The following PKD1L3 variants were observed in gnomAD, a reference collection of about 807,000 sequenced individuals.
PKD1L3 encodes polycystin-1-like protein 3.
A neutral mutation model predicts 184.1 loss-of-function variants in PKD1L3; 239 were observed. The observed-to-expected ratio is 1.30, with a 90% CI of 1.17 to 1.45. The LOEUF is 1.45. PKD1L3 is among the 40% of genes most tolerant of loss of function. PKD1L3 has a pLI of 0.00. For synonymous variants in PKD1L3, 996 were observed against 778.8 expected (o/e 1.28, Z -4.64); for missense variants, 2,660 against 2,067.2 (o/e 1.29, Z -5.56).
At chr16:71,958,136 C>G (rs1157823296) in intron 16 of PKD1L3, among the ~76,000 whole-genome samples, 1 of 151,514 alleles carries the variant, frequency 6.6e-6, no homozygotes, top group Non-Finnish European at 1.5e-5. Flanking sequence ...GCCTGTAATC[C>G]CAGCACTTTG....
At chr16:71,975,627 T>C (rs2039889813) in intron 11 of PKD1L3, among the ~76,000 whole-genome samples, 2 of 151,730 alleles carry the variant, frequency 1.3e-5, no homozygotes, top group Admixed American at 1.3e-4. Flanking sequence ...TCTTCAACCA[T>C]ACAAAGAATT....
intron 4 of PKD1L3, among the ~76,000 whole-genome samples, chr16:71,988,378 A>G (rs2040456988): frequency 6.6e-6 from 1 of 152,144 alleles, no homozygotes; most frequent in Non-Finnish European, 1.5e-5. Context: ...TATTTTTAGT[A>G]GAGATGGGGT....
chr16:71,973,779 A>T (rs1323224444), intron 11 of PKD1L3, among the ~76,000 whole-genome samples: 4 of 152,120 alleles, frequency 2.6e-5, no homozygotes, highest in African/African-American at 9.7e-5. Context: ...ATGCGGGCGG[A>T]TCACTTGAGG....
At chr16:71,970,207 G>T in intron 12 of PKD1L3, 102 bp from the exon 13 acceptor site, 2 of 913,762 alleles carry the variant, frequency 2.2e-6, no homozygotes, top group Admixed American at 2.5e-5. Flanking sequence ...AGAGGTATCT[G>T]GTTCTCTCAT....
chr16:71,952,195 ATTTTTTTTTTTTTT>A (rs34849069), intron 18 of PKD1L3, among the ~76,000 whole-genome samples: 53 of 50,822 alleles, frequency 1.0e-3, no homozygotes, highest in Non-Finnish European at 1.4e-3. Flanking sequence ...GGAGCATGTC[ATTTTTTTTTTTTTT>A]TTTTTTTTTT....
In PKD1L3 at chr16:71,993,322, C is replaced by A; in HGVS notation, c.429G>T (p.Leu143Phe). ...YYFICQTGDF[L>F]DGDAHYERNG... ...TTCTTTCATAATGGGCATCTCCGTC[C>A]AAAAAGTCACCTATTTGAAAGCCAA... Residue 143 changes from leucine to phenylalanine, a missense_variant, in exon 3 of 30, where the codon TTG (leucine) becomes TTT (phenylalanine). By Grantham distance (22) the Leu-to-Phe change is conservative. Transcript: ENST00000620267. 1 of 1,542,922 alleles carries A rather than the reference C, an allele frequency of 6.5e-7. No homozygotes were observed. Among genetic ancestry groups the A allele is most frequent in the Non-Finnish European group, 8.8e-7 (1 of 1,142,510 alleles).
chr16:71,990,045 C>T (rs150887668), intron 4 of PKD1L3, among the ~76,000 whole-genome samples: 432 of 149,238 alleles, frequency 2.9e-3, no homozygotes, highest in Non-Finnish European at 4.9e-3. Flanking sequence ...CACCATTGCA[C>T]TCCAGCCTGG....
rs1346270985 is a variant in PKD1L3 at position 71,937,374 on chromosome 16, TGAAGG to T, written c.4365_4369del (p.Leu1456AspfsTer54). 3.2e-6 allele frequency: 5 copies of T among 1,551,360 alleles called. 1 individual carries two copies. The highest frequency in any genetic ancestry group is 2.4e-5 in the South Asian group (2 of 84,068). Reference sequence around the variant, plus strand: ...CCAGACACAGCCCTTCTTTGACATCTGAAGGGAAGTGAAGCTTTCCAGTCTCAAAG... The same window carrying T: ...CCAGACACAGCCCTTCTTTGACATCTGAAGTGAAGCTTTCCAGTCTCAAAG... On this transcript the variant is annotated frameshift_variant, in exon 25 of 30. Coordinates refer to ENST00000620267, the MANE Select transcript of PKD1L3 (RefSeq NM_181536.2). LOFTEE classifies it high-confidence loss of function.
intron 16 of PKD1L3, among the ~76,000 whole-genome samples, chr16:71,958,945 G>A (rs1257516387): frequency 6.6e-6 from 1 of 151,276 alleles, no homozygotes; most frequent in Non-Finnish European, 1.5e-5. Context: ...AAATTAGCCA[G>A]GCATGGCAGC....
Position 71,999,863 on chromosome 16 carries a change from C to T in PKD1L3, c.116G>A (p.Arg39Lys). Residue 39 changes from arginine (R) to lysine (K), a missense_variant, in exon 1 of 30, where the codon AGA becomes AAA. Coordinates refer to ENST00000620267, the MANE Select transcript of PKD1L3 (RefSeq NM_181536.2). ...HGQNNCYQLNRFQCSFEEAQH... is the reference protein window; with the variant it reads ...HGQNNCYQLNKFQCSFEEAQH... Reference sequence around the variant, plus strand: ...TGCTTCCTCAAAGCTGCATTGAAATCTGTTAAGCTGGTAACAATTATTTTG... The same window carrying T: ...TGCTTCCTCAAAGCTGCATTGAAATTTGTTAAGCTGGTAACAATTATTTTG... 3 of 1,551,760 alleles carry T rather than the reference C, an allele frequency of 1.9e-6. No homozygotes were observed. The highest frequency in any genetic ancestry group is 2.6e-6 in the Non-Finnish European group (3 of 1,147,022).
At chr16:71,967,066 G>C in intron 15 of PKD1L3, 71 bp downstream of exon 15, 1 of 1,436,996 alleles carries the variant, frequency 7.0e-7, no homozygotes, top group Non-Finnish European at 9.4e-7. Context: ...GTGATTTATT[G>C]TGGTGATCTT....
chr16:71,962,368 A>G (rs191279648), intron 16 of PKD1L3, among the ~76,000 whole-genome samples: 206 of 152,330 alleles, frequency 1.4e-3, no homozygotes, highest in Middle Eastern at 6.8e-3. Context: ...CATCTTTAGC[A>G]TTCAGGAGAC....
chr16:71,979,765 C>G, intron 9 of PKD1L3, 21 bp downstream of exon 9: 1 of 1,477,660 alleles, frequency 6.8e-7, no homozygotes, highest in Non-Finnish European at 8.9e-7. Flanking sequence ...TCATTCTGAT[C>G]ACAATCAATT....
Position 71,954,116 on chromosome 16 carries a change from C to G in PKD1L3, c.2798G>C (p.Arg933Thr), listed in dbSNP as rs1257756033. 3 of 1,541,674 alleles carry G rather than the reference C, an allele frequency of 1.9e-6. No individual in the cohort carries two copies. The highest frequency in any genetic ancestry group is 4.1e-5 in the Admixed American group (2 of 48,584). ...FWKINSTTAK[R>T]DEQMRPFAVA... Reference sequence around the variant, plus strand: ...GGGCTCATCCATACTTTGCTCATCTCTCTTGGCAGTGGTGCTGTTTATCTT... The same window carrying G: ...GGGCTCATCCATACTTTGCTCATCTGTCTTGGCAGTGGTGCTGTTTATCTT... The change falls in exon 17 of 30, where the codon AGA (arginine) becomes ACA (threonine). Residue 933 changes from arginine (R) to threonine (T), a missense_variant. By Grantham distance (71) the Arg-to-Thr change is moderately conservative. Transcript: ENST00000620267.
At chr16:71,964,006 C>G (rs1013942781) in intron 15 of PKD1L3, among the ~76,000 whole-genome samples, 1 of 152,118 alleles carries the variant, frequency 6.6e-6, no homozygotes, top group African/African-American at 2.4e-5. Flanking sequence ...GGGTTGTAGT[C>G]TTTATCATTT....
rs1229023956 is a variant in PKD1L3, at chr16:71,979,881, A to G, written c.1303T>C (p.Tyr435His). 1 of 1,547,294 alleles carries G rather than the reference A, an allele frequency of 6.5e-7. No individual in the cohort carries two copies. Among genetic ancestry groups the G allele is most frequent in the Non-Finnish European group, 8.7e-7 (1 of 1,146,120 alleles). ...QNISTLPLSSYTLGHPAPVRL... is the reference protein window; with the variant it reads ...QNISTLPLSSHTLGHPAPVRL... ...ACAGGGGCTGGGTGACCCAGAGTGT[A>G]AGAGCTCAGCGGTAAAGTTGATATG... The change falls in exon 9 of 30, where the codon TAC becomes CAC. Residue 435 changes from tyrosine to histidine, a missense_variant. Tyr to His is a moderately conservative substitution (Grantham distance 83, BLOSUM62 2). Transcript: ENST00000620267.
chr16:71,997,634 G>C (rs1200880785), intron 2 of PKD1L3, among the ~76,000 whole-genome samples: 2 of 152,100 alleles, frequency 1.3e-5, no homozygotes, highest in Admixed American at 1.3e-4. Context: ...TGTAATCCCA[G>C]CTACTAGGGA....
At chr16:71,989,665 T>C (rs2040512375) in intron 4 of PKD1L3, among the ~76,000 whole-genome samples, 2 of 152,248 alleles carry the variant, frequency 1.3e-5, no homozygotes, top group African/African-American at 2.4e-5. Flanking sequence ...TTACGTTTTA[T>C]TGCATTGTAT....
intron 16 of PKD1L3, among the ~76,000 whole-genome samples, chr16:71,956,190 T>C (rs1314309908): frequency 7.3e-6 from 1 of 136,176 alleles, no homozygotes; most frequent in Non-Finnish European, 1.6e-5. Context: ...AGGAATTTTT[T>C]TTTTTTTTTT....
Sources: gnomAD v4.1 joint callset for allele counts (sites outside exome capture counted in the v4.1 genomes callset) on GRCh38, gnomAD v4.1.1 for gene constraint, MANE v1.5 for transcripts, NCBI Gene and HGNC (gene_info 2026-07-23, HGNC 2026-07-21) for gene names.